The following SLC44A1 variants were observed in gnomAD, a reference collection of about 807,000 sequenced individuals.
SLC44A1 encodes the protein choline transporter-like protein 1.
A neutral mutation model predicts 79.3 loss-of-function variants in SLC44A1; 26 were observed. The ratio of observed to expected loss-of-function variants is 0.33; its 90% CI spans 0.24 to 0.46. SLC44A1 has a LOEUF of 0.46. Ranked by LOEUF, SLC44A1 falls within the 20% of genes least tolerant of loss-of-function variation. The probability of loss-of-function intolerance (pLI) is 1.00; values close to 1 mark genes in which losing one functional copy is unlikely to be tolerated. For missense variants in SLC44A1, 688 were observed against 798.1 expected (o/e 0.86, Z 1.66); for synonymous variants, 263 against 286.2 (o/e 0.92, Z 0.82).
intron 2 of SLC44A1, chr9:105,299,898 G>T: frequency 1.0e-6 from 1 of 985,974 alleles, no homozygotes; most frequent in Non-Finnish European, 1.2e-6. Context: ...TGATTTTCCA[G>T]TGGGTATAGA....
chr9:105,408,789 C>A (rs908059697), intron 15 of SLC44A1, among the ~76,000 whole-genome samples: 1 of 152,062 alleles, frequency 6.6e-6, no homozygotes, highest in Admixed American at 6.6e-5. Context: ...AATGAACACA[C>A]AATGTATAAA....
At chr9:105,359,433 C>A (rs531237627) in intron 7 of SLC44A1, among the ~76,000 whole-genome samples, 4 of 151,838 alleles carry the variant, frequency 2.6e-5, no homozygotes, top group Non-Finnish European at 4.4e-5. Context: ...GAAAAAGATT[C>A]CCCCAAAAGA....
At chr9:105,421,803 A>G (rs949710545) in intron 15 of SLC44A1, among the ~76,000 whole-genome samples, 3 of 151,948 alleles carry the variant, frequency 2.0e-5, no homozygotes, top group Non-Finnish European at 2.9e-5. Flanking sequence ...TAGCCAGGAT[A>G]GTCTCAATCT....
rs1366672065 is a variant in SLC44A1, at chr9:105,366,360, A to G, written c.1425A>G (p.Ala475=). 6.0e-6 allele frequency: 9 copies of G among 1,510,798 alleles called. No homozygotes were observed. Among genetic ancestry groups the G allele is most frequent in the Non-Finnish European group, 7.1e-6 (8 of 1,130,074 alleles). 93.6% of individuals were successfully genotyped at this position (1,510,798 alleles called of 1,614,324 possible). Residue 475 remains alanine (A), a synonymous_variant, in exon 12 of 16, where the codon GCA becomes GCG. Coordinates refer to ENST00000374720, the MANE Select transcript of SLC44A1 (RefSeq NM_080546.5). ...CCCCCATCCAGGAAAATGCTTGTGC[A>G]CGATGTGTGCTGAAATCTTGCATTT... ...SQLKGKENAC[A]RCVLKSCICC... is the part of the protein sequence containing the mutation.
intron 1 of SLC44A1, among the ~76,000 whole-genome samples, chr9:105,261,981 C>T (rs1453842263): frequency 2.0e-5 from 3 of 152,000 alleles, no homozygotes; most frequent in Non-Finnish European, 2.9e-5. Flanking sequence ...GACGGGGTTT[C>T]ACCATGTTGA....
rs117128135 is a variant in SLC44A1 at position 105,365,149 on chromosome 9, T to G, written c.1254-334T>G. ...CTCATAATTTTCTATTATAATTAGATGCCAAGTCTAAATTTAACATCTTTT... is the reference window on the plus strand; with the variant it reads ...CTCATAATTTTCTATTATAATTAGAGGCCAAGTCTAAATTTAACATCTTTT... On this transcript the variant is annotated intron_variant, in intron 10 of 15. Transcript: ENST00000374720. Among the ~76,000 whole-genome samples the G allele has an allele frequency of 5.4e-4, 83 of 152,350 alleles. No individual in the cohort carries two copies. The East Asian group carries it at 0.013, about 23-fold the overall frequency.
At chr9:105,302,501 C>T (rs779791571) in intron 2 of SLC44A1, among the ~76,000 whole-genome samples, 1 of 151,760 alleles carries the variant, frequency 6.6e-6, no homozygotes, top group Non-Finnish European at 1.5e-5. Context: ...TTCAGGCACC[C>T]AGCACCACTC....
chr9:105,304,616 A>C (rs1351761264), intron 2 of SLC44A1, among the ~76,000 whole-genome samples: 1 of 152,164 alleles, frequency 6.6e-6, no homozygotes, highest in African/African-American at 2.4e-5. Context: ...TTCCCTTAGA[A>C]TCATAATAGT....
intron 15 of SLC44A1, among the ~76,000 whole-genome samples, chr9:105,428,862 C>G (rs566421649): frequency 1.3e-5 from 2 of 152,164 alleles, no homozygotes; most frequent in African/African-American, 2.4e-5. Flanking sequence ...CGCGCCACCA[C>G]GCCCAGCTAA....
intron 3 of SLC44A1, among the ~76,000 whole-genome samples, chr9:105,333,803 C>G (rs1826826373): frequency 6.6e-6 from 1 of 150,446 alleles, no homozygotes; most frequent in Non-Finnish European, 1.5e-5. Context: ...GGGCAGAACT[C>G]CATCTCAAAA....
chr9:105,288,117 C>T (rs961974240), intron 1 of SLC44A1, among the ~76,000 whole-genome samples: 1 of 152,096 alleles, frequency 6.6e-6, no homozygotes, highest in African/African-American at 2.4e-5. Context: ...TGCATATTCT[C>T]CTTTGCATAT....
At position 105,392,203 on chromosome 9, in the gene SLC44A1, A is replaced by G; in HGVS notation, c.*3147A>G. The G allele has an allele frequency of 7.1e-6, 7 of 984,440 alleles. No homozygotes were observed. Among genetic ancestry groups the G allele is most frequent in the Non-Finnish European group, 8.4e-6 (7 of 829,012 alleles). 61.0% of individuals were successfully genotyped at this position (984,440 alleles called of 1,614,324 possible). A position where few individuals can be genotyped will look rare whatever the true frequency, so the allele number is the denominator to read the frequency against. ...TTGTTCCTTTAAAGCATTTAATGCA[A>G]TGGCTAATGTTTAGGATTAAAGTTT... On this transcript the variant is annotated 3_prime_UTR_variant, in exon 16 of 16. Coordinates refer to ENST00000374720, the MANE Select transcript of SLC44A1 (RefSeq NM_080546.5).
At chr9:105,294,499 G>T (rs1480533071) in intron 1 of SLC44A1, among the ~76,000 whole-genome samples, 3 of 151,854 alleles carry the variant, frequency 2.0e-5, no homozygotes, top group African/African-American at 4.8e-5. Flanking sequence ...TCATTCTGTG[G>T]TTTTCTACTT....
chr9:105,278,164 C>T (rs1458504893), intron 1 of SLC44A1, among the ~76,000 whole-genome samples: 11 of 151,926 alleles, frequency 7.2e-5, no homozygotes, highest in South Asian at 4.2e-4. Flanking sequence ...CAGGCTCAAG[C>T]GATTCTCCTG....
chr9:105,357,781 G>A (rs187841379), intron 6 of SLC44A1, among the ~76,000 whole-genome samples: 8 of 152,234 alleles, frequency 5.3e-5, no homozygotes, highest in South Asian at 2.1e-4. Flanking sequence ...GCCATAGTAG[G>A]CTTCAGGATG....
At position 105,389,733 on chromosome 9, in the gene SLC44A1, A is replaced by T; in HGVS notation, c.*677A>T. 1 of 1,280,982 alleles carries T rather than the reference A, an allele frequency of 7.8e-7. No homozygotes were observed. The highest frequency in any genetic ancestry group is 3.2e-5 in the South Asian group (1 of 31,656). 79.4% of individuals were successfully genotyped at this position (1,280,982 alleles called of 1,614,324 possible). ...AACGCTTCTTTAAAAGAAAGTAGGT[A>T]AAAAAAGAAAAGGGTAGATAATCTT... On this transcript the variant is annotated 3_prime_UTR_variant, in exon 16 of 16. Transcript: ENST00000374720.
chr9:105,393,960 T>A lies in SLC44A1; in HGVS notation c.*4904T>A. 1.0e-6 allele frequency: 1 copy of A among 984,162 alleles called. No individual in the cohort carries two copies. The highest frequency in any genetic ancestry group is 1.2e-6 in the Non-Finnish European group (1 of 828,754). 61.0% of individuals were successfully genotyped at this position (984,162 alleles called of 1,614,324 possible). A position where few individuals can be genotyped will look rare whatever the true frequency, so the allele number is the denominator to read the frequency against. ...TCAGAAATTTCTCACTTTTATTTGC[T>A]AAGACCTGAATTTAATATTTGATAT... On this transcript the variant is annotated 3_prime_UTR_variant, in exon 16 of 16. Transcript: ENST00000374720.
chr9:105,271,231 C>G (rs917211976), intron 1 of SLC44A1, among the ~76,000 whole-genome samples: 4 of 152,146 alleles, frequency 2.6e-5, no homozygotes, highest in Admixed American at 2.6e-4. Flanking sequence ...GCTGTCAGAC[C>G]TTGTTAGGCT....
At chr9:105,412,950 G>A (rs944108515) in intron 15 of SLC44A1, among the ~76,000 whole-genome samples, 5 of 152,100 alleles carry the variant, frequency 3.3e-5, no homozygotes, top group African/African-American at 1.2e-4. Context: ...GAATATAAAT[G>A]AATGAGAGTG....
Sources: allele counts gnomAD v4.1 joint callset (sites outside exome capture counted in the v4.1 genomes callset), GRCh38; gene constraint gnomAD v4.1.1; transcripts MANE v1.5; gene names NCBI Gene and HGNC (gene_info 2026-07-23, HGNC 2026-07-21).